CNTN4: variants seen among roughly 807,000 people sequenced by gnomAD.
The protein encoded by CNTN4 is contactin-4.
A neutral mutation model predicts 122.5 loss-of-function variants in CNTN4; 77 were observed. That is an observed-to-expected ratio of 0.63 (90% CI 0.52 to 0.76). The LOEUF is 0.76. CNTN4 is among the 30% of genes least tolerant of loss of function. CNTN4 has a pLI of 0.00. For missense variants in CNTN4, 1,256 were observed against 1,259.1 expected, an observed-to-expected ratio of 1.00 and a Z score of 0.04; for synonymous variants, 512 against 447.0, an observed-to-expected ratio of 1.15 and a Z score of -1.83.
intron 14 of CNTN4, among the ~76,000 whole-genome samples, chr3:3,022,671 G>T (rs2125607121): frequency 6.6e-6 from 1 of 152,218 alleles, no homozygotes; most frequent in Non-Finnish European, 1.5e-5. Context: ...GAACAAAGCA[G>T]TTAGTTTGCC....
intron 13 of CNTN4, among the ~76,000 whole-genome samples, chr3:2,947,195 C>T (rs116629857): frequency 0.022 from 3,334 of 152,160 alleles, 123 homozygotes; most frequent in African/African-American, 0.074. Flanking sequence ...ATATTTTTTG[C>T]GTCTGTTTCT....
At chr3:2,383,580 G>A (rs536864233) in intron 3 of CNTN4, among the ~76,000 whole-genome samples, 1 of 151,916 alleles carries the variant, frequency 6.6e-6, no homozygotes, top group African/African-American at 2.4e-5. Context: ...TAAATGTAAC[G>A]ACAGCACTAT....
intron 3 of CNTN4, among the ~76,000 whole-genome samples, chr3:2,457,570 A>G (rs1368604198): frequency 6.6e-6 from 1 of 152,136 alleles, no homozygotes; most frequent in Admixed American, 6.6e-5. Flanking sequence ...GTGTTCTGAC[A>G]ATGGTTGGGC....
chr3:3,011,795 G>T (rs530558775), intron 14 of CNTN4, among the ~76,000 whole-genome samples: 1 of 151,550 alleles, frequency 6.6e-6, no homozygotes, highest in Non-Finnish European at 1.5e-5. Context: ...TCCTCTCCCC[G>T]CCCCAGTCTC....
intron 6 of CNTN4, among the ~76,000 whole-genome samples, chr3:2,762,408 T>C (rs2090632042): frequency 6.6e-6 from 1 of 152,174 alleles, no homozygotes; most frequent in Non-Finnish European, 1.5e-5. Flanking sequence ...TGTTCCCTTC[T>C]ATGTGTCGAT....
chr3:2,161,424 G>C (rs1439105948), intron 2 of CNTN4, among the ~76,000 whole-genome samples: 2 of 152,048 alleles, frequency 1.3e-5, no homozygotes, highest in East Asian at 3.9e-4. Flanking sequence ...CTTGGGGTCG[G>C]GGTGGCTTGT....
chr3:3,056,065 T>C lies in CNTN4; in HGVS notation c.2981-55T>C, dbSNP rs937628103. ...GTTTCAAAAAGCCCCGTGGCCCCTC[T>C]TCCCTTTGAAGCCGGGATGGGGCTG... On this transcript the variant is annotated intron_variant, in intron 24 of 24. Transcript: ENST00000418658. 19 of 1,399,546 alleles carry C rather than the reference T, an allele frequency of 1.4e-5. 1 individual carries two copies. The South Asian group carries it at 2.2e-4, about 16-fold the overall frequency. 86.7% of individuals were successfully genotyped at this position (1,399,546 alleles called of 1,614,324 possible). A position where few individuals can be genotyped will look rare whatever the true frequency, so the allele number is the denominator to read the frequency against.
At chr3:2,171,919 C>T (rs1326189280) in intron 2 of CNTN4, among the ~76,000 whole-genome samples, 1 of 152,114 alleles carries the variant, frequency 6.6e-6, no homozygotes, top group Non-Finnish European at 1.5e-5. Context: ...AACAGGAGCA[C>T]CTAGGAACTT....
chr3:3,051,214 G>C (rs1356995506), intron 23 of CNTN4, among the ~76,000 whole-genome samples: 1 of 152,104 alleles, frequency 6.6e-6, no homozygotes, highest in Non-Finnish European at 1.5e-5. Context: ...AGTGGAAGTA[G>C]TCTATAATAT....
intron 10 of CNTN4, among the ~76,000 whole-genome samples, chr3:2,894,297 C>G: frequency 6.6e-6 from 1 of 152,140 alleles, no homozygotes; most frequent in African/African-American, 2.4e-5. Flanking sequence ...TGGGGACCTA[C>G]AATGGTTCTT....
intron 14 of CNTN4, chr3:2,988,835 C>A (rs149754718): frequency 3.0e-4 from 78 of 262,020 alleles, no homozygotes; most frequent in African/African-American, 1.7e-3. Context: ...ACTCAAGACT[C>A]ATGTACTATT....
At chr3:2,258,915 T>G (rs1575192785) in intron 2 of CNTN4, among the ~76,000 whole-genome samples, 1 of 152,284 alleles carries the variant, frequency 6.6e-6, no homozygotes. Flanking sequence ...CTGTGTGGCC[T>G]AAGAGGGATT....
chr3:2,522,057 A>G (rs1223409873), intron 3 of CNTN4, among the ~76,000 whole-genome samples: 1 of 152,080 alleles, frequency 6.6e-6, no homozygotes, highest in African/African-American at 2.4e-5. Context: ...AATTAAACAC[A>G]GAGCACTTAG....
intron 4 of CNTN4, among the ~76,000 whole-genome samples, chr3:2,610,787 T>A (rs148290584): frequency 6.6e-6 from 1 of 152,112 alleles, no homozygotes; most frequent in East Asian, 1.9e-4. Context: ...TCATTATGAG[T>A]ATTTTCAGAG....
intron 2 of CNTN4, among the ~76,000 whole-genome samples, chr3:2,258,111 G>A (rs181761234): frequency 1.3e-5 from 2 of 152,288 alleles, no homozygotes; most frequent in East Asian, 3.9e-4. Flanking sequence ...TGGAGAGGAT[G>A]TGGAGAAATA....
chr3:2,488,157 C>T (rs1213767069), intron 3 of CNTN4, among the ~76,000 whole-genome samples: 7 of 152,190 alleles, frequency 4.6e-5, no homozygotes, highest in Admixed American at 2.6e-4. Context: ...AATACAACTA[C>T]TGGTAATTAT....
chr3:2,128,954 T>C (rs111284305), intron 2 of CNTN4, among the ~76,000 whole-genome samples: 1 of 152,306 alleles, frequency 6.6e-6, no homozygotes, highest in East Asian at 1.9e-4. Context: ...GTGTCTGTAA[T>C]ATTAGATGTA....
intron 14 of CNTN4, among the ~76,000 whole-genome samples, chr3:3,014,982 C>A (rs893140726): frequency 2.7e-5 from 4 of 149,872 alleles, no homozygotes; most frequent in Admixed American, 6.7e-5. Flanking sequence ...ACCTTCAAAC[C>A]TGCTCCAGAG....
chr3:2,290,366 C>T (rs1198537214), intron 2 of CNTN4, among the ~76,000 whole-genome samples: 1 of 152,130 alleles, frequency 6.6e-6, no homozygotes, highest in Admixed American at 6.5e-5. Flanking sequence ...TAACACTGCA[C>T]TAATTGTGTT....
Sources: gnomAD v4.1 joint callset for allele counts (sites outside exome capture counted in the v4.1 genomes callset) on GRCh38, gnomAD v4.1.1 for gene constraint, MANE v1.5 for transcripts, NCBI Gene and HGNC (gene_info 2026-07-23, HGNC 2026-07-21) for gene names.